CEP164: variants seen among roughly 807,000 people sequenced by gnomAD.
CEP164 encodes centrosomal protein 164.
A neutral mutation model predicts 182.7 loss-of-function variants in CEP164; 162 were observed. The observed-to-expected ratio is 0.89, with a 90% CI of 0.78 to 1.01. The LOEUF (loss-of-function observed/expected upper bound fraction) is 1.01. Ranked by LOEUF, CEP164 falls within the 50% of genes least tolerant of loss-of-function variation. CEP164 has a pLI of 0.00. For missense variants in CEP164, 1,735 were observed against 1,790.4 expected, an observed-to-expected ratio of 0.97 and a Z score of 0.56; for synonymous variants, 661 against 690.0, an observed-to-expected ratio of 0.96 and a Z score of 0.66.
chr11:117,379,067 A>G (rs1303261813), intron 11 of CEP164, among the ~76,000 whole-genome samples: 3 of 152,016 alleles, frequency 2.0e-5, no homozygotes, highest in Admixed American at 2.0e-4. Context: ...TCTGTGGGGG[A>G]AGACAAGTTG....
intron 4 of CEP164, among the ~76,000 whole-genome samples, chr11:117,345,802 C>G (rs1014966566): frequency 6.6e-6 from 1 of 152,090 alleles, no homozygotes; most frequent in Admixed American, 6.6e-5. Flanking sequence ...ATTCTCCTGC[C>G]TCAGCCTCCC....
At chr11:117,342,379 T>G (rs1041408596) in intron 3 of CEP164, among the ~76,000 whole-genome samples, 1 of 152,238 alleles carries the variant, frequency 6.6e-6, no homozygotes, top group Non-Finnish European at 1.5e-5. Flanking sequence ...ATTACCAGCT[T>G]AAGCATTGAT....
chr11:117,407,757 T>C (rs1193125647), intron 27 of CEP164, among the ~76,000 whole-genome samples, 168 bp from the exon 28 acceptor site: 1 of 152,258 alleles, frequency 6.6e-6, no homozygotes, highest in East Asian at 1.9e-4. Flanking sequence ...TAACATACTC[T>C]TTCTCTTGTA....
intron 12 of CEP164, 126 bp from the exon 13 acceptor site, chr11:117,381,575 G>C: frequency 2.7e-6 from 3 of 1,127,154 alleles, no homozygotes; most frequent in Non-Finnish European, 3.7e-6. Context: ...GGATGGATGT[G>C]GGGGTGGGGC....
At chr11:117,396,480 T>C in intron 25 of CEP164, 70 bp from the exon 26 acceptor site, 1 of 1,258,160 alleles carries the variant, frequency 7.9e-7, no homozygotes, top group South Asian at 1.2e-5. Context: ...GGGAGGGGCT[T>C]TGGGGTCTTG....
chr11:117,409,852 C>A lies in CEP164; in HGVS notation c.3983C>A (p.Thr1328Lys). ...LARFSALSSATPTSTQWAWDS... is the reference protein window; with the variant it reads ...LARFSALSSAKPTSTQWAWDS... ...AGGTTCTCAGCCTTATCATCTGCTA[C>A]ACCCACGTCCACCCAATGGGCCTGG... Residue 1328 changes from threonine to lysine, a missense_variant, in exon 30 of 33, where the codon ACA (threonine) becomes AAA (lysine). Physicochemically the swap from Thr to Lys is moderately conservative, Grantham distance 78 (BLOSUM62 -1). Transcript: ENST00000278935. This position sits in a 1 kb window ranked among gnomAD's most constrained non-coding sequence, Gnocchi z 4.4. 6.5e-7 allele frequency: 1 copy of A among 1,533,508 alleles called. No individual in the cohort carries two copies. The highest frequency in any genetic ancestry group is 1.1e-5 in the South Asian group (1 of 90,022). The allele number at this position is 1,533,508 out of a possible 1,614,324, so 95.0% of individuals were successfully genotyped here.
Position 117,411,021 on chromosome 11 carries a change from T to C in CEP164, c.4163+127T>C. ...CTTACCCCAAGAAATCAGGCAGGCC[T>C]CTAGTCCACAGAGCTGTCCCCGCTT... On this transcript the variant is annotated intron_variant, in intron 31 of 32. Transcript: ENST00000278935. The surrounding 1 kb of genome is among the most constrained non-coding windows in gnomAD (Gnocchi z 4.4). 1.2e-6 allele frequency: 1 copy of C among 829,244 alleles called. No individual in the cohort carries two copies. Among genetic ancestry groups the C allele is most frequent in the South Asian group, 1.6e-5 (1 of 63,884 alleles). 51.4% of individuals were successfully genotyped at this position (829,244 alleles called of 1,614,324 possible). A position where few individuals can be genotyped will look rare whatever the true frequency, so the allele number is the denominator to read the frequency against.
Position 117,408,885 on chromosome 11 carries a change from C to G in CEP164, c.3610-5C>G, listed in dbSNP as rs1439100332. Reference sequence around the variant, plus strand: ...TGGGTCATAACTGCTGACTTTACCCCACAGGCCTCAGATGAGGGCACTCTG... The same window carrying G: ...TGGGTCATAACTGCTGACTTTACCCGACAGGCCTCAGATGAGGGCACTCTG... On this transcript the variant is annotated splice_polypyrimidine_tract_variant and splice_region_variant and intron_variant, in intron 28 of 32. Transcript: ENST00000278935. The G allele has an allele frequency of 1.2e-6, 2 of 1,614,020 alleles. No homozygotes were observed. The highest frequency in any genetic ancestry group is 1.7e-6 in the Non-Finnish European group (2 of 1,180,002).
At position 117,395,114 on chromosome 11, in the gene CEP164, C is replaced by G. The variant is rs746045424; in HGVS notation, c.2845-9C>G. 1.2e-5 allele frequency: 19 copies of G among 1,614,190 alleles called. No individual in the cohort carries two copies. The South Asian group carries it at 2.0e-4, about 17-fold the overall frequency. ...AGTCAGCCAGAAAATCCTGTCTCTT[C>G]CCTGCAAGGAGGAGACCGCCCGGAG... On this transcript the variant is annotated splice_polypyrimidine_tract_variant and intron_variant, in intron 22 of 32. Transcript: ENST00000278935.
At position 117,371,330 on chromosome 11, in the gene CEP164, C is replaced by T. The variant is rs1469881710; in HGVS notation, c.1016C>T (p.Pro339Leu). ...AAGGCAGACCCTACAGGCAGTGAGCCTGCCAAAGCCTCTGAAAAGGAAGCA... is the reference window on the plus strand; with the variant it reads ...AAGGCAGACCCTACAGGCAGTGAGCTTGCCAAAGCCTCTGAAAAGGAAGCA... Reference protein sequence around the residue: ...TPKADPTGSEPAKASEKEAPE... With the variant: ...TPKADPTGSELAKASEKEAPE... The change falls in exon 9 of 33, where the codon CCT becomes CTT. Residue 339 changes from proline to leucine, a missense_variant. Physicochemically the swap from Pro to Leu is moderately conservative, Grantham distance 98. Coordinates refer to ENST00000278935, the MANE Select transcript of CEP164 (RefSeq NM_014956.5). 2 of 1,614,222 alleles carry T rather than the reference C, an allele frequency of 1.2e-6. No individual in the cohort carries two copies. Among genetic ancestry groups the T allele is most frequent in the Non-Finnish European group, 1.7e-6 (2 of 1,180,044 alleles).
chr11:117,390,644 A>AAG, intron 15 of CEP164, 133 bp from the exon 16 acceptor site: 1 of 722,092 alleles, frequency 1.4e-6, no homozygotes, highest in Non-Finnish European at 1.9e-6. Flanking sequence ...TCCAAAAAGA[A>AAG]AAAAAAAAAA....
rs752891809 is a variant in CEP164, at chr11:117,393,028, C to T, written c.2518C>T (p.Arg840Cys). 38 of 1,613,372 alleles carry T rather than the reference C, an allele frequency of 2.4e-5. No homozygotes were observed. Among genetic ancestry groups the T allele is most frequent in the South Asian group, 3.3e-5 (3 of 91,064 alleles). Residue 840 changes from arginine (R) to cysteine (C), a missense_variant, in exon 20 of 33, where the codon CGC becomes TGC. Physicochemically the swap from Arg to Cys is radical, Grantham distance 180. Coordinates refer to ENST00000278935, the MANE Select transcript of CEP164 (RefSeq NM_014956.5). Reference sequence around the variant, plus strand: ...GCTCAGCAGTCTCCTGCGAGAGAAGCGCCAGGAAGTGGAAGGGGAGCATGA... The same window carrying T: ...GCTCAGCAGTCTCCTGCGAGAGAAGTGCCAGGAAGTGGAAGGGGAGCATGA... ...HELSSLLREK[R>C]QEVEGEHERR...
At chr11:117,360,501 G>C (rs2040809884) in intron 5 of CEP164, among the ~76,000 whole-genome samples, 1 of 151,868 alleles carries the variant, frequency 6.6e-6, no homozygotes, top group South Asian at 2.1e-4. Context: ...CTCCTGAGTA[G>C]GTGCGACTAC....
At chr11:117,363,291 T>G in intron 7 of CEP164, 138 bp from the exon 8 acceptor site, 1 of 620,474 alleles carries the variant, frequency 1.6e-6, no homozygotes, top group Non-Finnish European at 2.9e-6. Context: ...TCAGTGGTGG[T>G]CCTGCTCTGA....
rs1349122185 is a variant in CEP164 at position 117,392,631 on chromosome 11, A to C, written c.2493+4A>C. On this transcript the variant is annotated splice_donor_region_variant and intron_variant, in intron 19 of 32. Transcript: ENST00000278935. Reference sequence around the variant, plus strand: ...CGTGGCTGGGTATGAGCACGAGGTGAGTGCTGCTCTGTCTTCCACAGTCGT... The same window carrying C: ...CGTGGCTGGGTATGAGCACGAGGTGCGTGCTGCTCTGTCTTCCACAGTCGT... The C allele has an allele frequency of 9.3e-6, 15 of 1,613,382 alleles. No individual in the cohort carries two copies. In the Admixed American group the frequency reaches 2.3e-4, roughly 25 times the overall value.
At position 117,377,626 on chromosome 11, in the gene CEP164, G is replaced by A. The variant is rs79141995; in HGVS notation, c.1317+1835G>A. ...CCTGTGCGCTCTTGCCCATTTTGCC[G>A]TATTTTCCATGTCTCTCTCAAGGGC... On this transcript the variant is annotated intron_variant, in intron 11 of 32. Coordinates refer to ENST00000278935, the MANE Select transcript of CEP164 (RefSeq NM_014956.5). Among the ~76,000 whole-genome samples the A allele has an allele frequency of 6.8e-4, 103 of 152,284 alleles. 2 individuals are homozygous for A. The East Asian group carries it at 0.019, about 29-fold the overall frequency.
At chr11:117,380,799 T>C (rs757086598) in intron 12 of CEP164, 94 bp downstream of exon 12, 30 of 1,201,152 alleles carry the variant, frequency 2.5e-5, no homozygotes, top group Non-Finnish European at 3.3e-5. Context: ...CCTGGCTCAG[T>C]GTACAGTTGC....
chr11:117,370,528 A>AGTG (rs1256811178), intron 8 of CEP164, among the ~76,000 whole-genome samples: 1 of 152,202 alleles, frequency 6.6e-6, no homozygotes, highest in Non-Finnish European at 1.5e-5. Flanking sequence ...CAGGCCCACC[A>AGTG]GTGGATGGGG....
Position 117,371,371 on chromosome 11 carries a change from G to T in CEP164, c.1057G>T (p.Asp353Tyr). The T allele has an allele frequency of 6.2e-7, 1 of 1,614,216 alleles. No homozygotes were observed. Among genetic ancestry groups the T allele is most frequent in the African/African-American group, 1.3e-5 (1 of 75,058 alleles). Reference sequence around the variant, plus strand: ...AAAGGAAGCACCAGAGGACACAGTAGATGCAGGAGAGGAGGGTTCCAGGAG... The same window carrying T: ...AAAGGAAGCACCAGAGGACACAGTATATGCAGGAGAGGAGGGTTCCAGGAG... ...SEKEAPEDTV[D>Y]AGEEGSRREE... Residue 353 changes from aspartate to tyrosine, a missense_variant, in exon 9 of 33, where the codon GAT becomes TAT. Coordinates refer to ENST00000278935, the MANE Select transcript of CEP164 (RefSeq NM_014956.5).
Sources: allele counts gnomAD v4.1 joint callset (sites outside exome capture counted in the v4.1 genomes callset), GRCh38; gene constraint gnomAD v4.1.1; non-coding constraint Gnocchi (gnomAD v3.1); transcripts MANE v1.5; gene names NCBI Gene and HGNC (gene_info 2026-07-23, HGNC 2026-07-21).